CAB39: variants seen among roughly 807,000 people sequenced by gnomAD.
The protein encoded by CAB39 is calcium binding protein 39, also known as calcium-binding protein 39.
CAB39 carries 8 observed loss-of-function variants against 40.0 expected under a neutral mutation model. That is an observed-to-expected ratio of 0.20 (90% CI 0.12 to 0.36). The LOEUF is 0.36. CAB39 is among the 10% of genes least tolerant of loss of function. CAB39 has a pLI of 1.00. For missense variants in CAB39, 270 were observed against 401.1 expected (o/e 0.67, Z 2.79); for synonymous variants, 156 against 141.6 (o/e 1.10, Z -0.72).
rs1696496305 is a variant in CAB39, at chr2:230,820,801, T to G, written c.*2097T>G. On this transcript the variant is annotated 3_prime_UTR_variant, in exon 9 of 9. Coordinates refer to ENST00000258418, the MANE Select transcript of CAB39 (RefSeq NM_016289.4). ...TTTAAGCAAAACAATGTGAAAACAT[T>G]TAAGTTTGAAATGTTGCATTTGAAG... 1 of 152,486 alleles carries G rather than the reference T, an allele frequency of 6.6e-6. No homozygotes were observed. The highest frequency in any genetic ancestry group is 1.5e-5 in the Non-Finnish European group (1 of 67,932). The allele number at this position is 152,486 out of a possible 1,614,324, so 9.4% of individuals were successfully genotyped here.
intron 1 of CAB39, among the ~76,000 whole-genome samples, chr2:230,739,955 A>C (rs1023265999): frequency 1.3e-5 from 2 of 152,250 alleles, no homozygotes; most frequent in South Asian, 2.1e-4. Context: ...GTGGTTTATA[A>C]AATCCCCTTA....
Position 230,714,282 on chromosome 2 carries a change from A to G in CAB39, c.-44+1052A>G, listed in dbSNP as rs1476783068. On this transcript the variant is annotated intron_variant, in intron 1 of 8. Coordinates refer to ENST00000258418, the MANE Select transcript of CAB39 (RefSeq NM_016289.4). ...CGGAAATGTAGGCTAGGGGATATTA[A>G]AGGCGCTCTTGTGAAAGGAGAGAGG... Among the ~76,000 whole-genome samples the G allele has an allele frequency of 2.0e-5, 3 of 152,184 alleles. No homozygotes were observed. In the East Asian group the frequency reaches 5.8e-4, roughly 29 times the overall value.
chr2:230,751,463 CTTATGGACCTTTTGAG>C (rs1156492359), intron 1 of CAB39, among the ~76,000 whole-genome samples: 2 of 152,162 alleles, frequency 1.3e-5, no homozygotes, highest in African/African-American at 4.8e-5. Flanking sequence ...GACCTTTTGA[CTTATGGACCTTTTGAG>C]TTCTTTTCAG....
chr2:230,783,647 C>T (rs1695737024), intron 2 of CAB39, among the ~76,000 whole-genome samples: 1 of 149,068 alleles, frequency 6.7e-6, no homozygotes, highest in Non-Finnish European at 1.5e-5. Context: ...CATAGGCATG[C>T]ACCACTATGC....
intron 5 of CAB39, among the ~76,000 whole-genome samples, chr2:230,803,987 G>A (rs1696141923): frequency 6.6e-6 from 1 of 152,138 alleles, no homozygotes; most frequent in South Asian, 2.1e-4. Flanking sequence ...CACACTACCT[G>A]ACTTCAAACT....
At chr2:230,795,108 T>C (rs1456059075) in intron 4 of CAB39, among the ~76,000 whole-genome samples, 2 of 152,026 alleles carry the variant, frequency 1.3e-5, no homozygotes. Context: ...AAACCCCGCC[T>C]CTACTAAAAA....
At chr2:230,753,238 T>C (rs2124909100) in intron 1 of CAB39, among the ~76,000 whole-genome samples, 1 of 152,302 alleles carries the variant, frequency 6.6e-6, no homozygotes, top group African/African-American at 2.4e-5. Context: ...GCTTGCAGTG[T>C]TGTAACTGTT....
chr2:230,820,338 A>G lies in CAB39; in HGVS notation c.*1634A>G, dbSNP rs1559622540. On this transcript the variant is annotated 3_prime_UTR_variant, in exon 9 of 9. Coordinates refer to ENST00000258418, the MANE Select transcript of CAB39 (RefSeq NM_016289.4). The stretch of plus-strand genomic sequence containing the variant: ...CTGTTTCAGCAGGTTTTAAACCTTC[A>G]GGAACACCAGTTAGGAAAATAGCTC... The G allele has an allele frequency of 6.6e-6, 1 of 152,252 alleles. No homozygotes were observed. The highest frequency in any genetic ancestry group is 1.5e-5 in the Non-Finnish European group (1 of 68,042). The allele number at this position is 152,252 out of a possible 1,614,324, so 9.4% of individuals were successfully genotyped here.
chr2:230,716,015 T>C (rs1246901258), intron 1 of CAB39, among the ~76,000 whole-genome samples: 1 of 152,228 alleles, frequency 6.6e-6, no homozygotes, highest in Non-Finnish European at 1.5e-5. Flanking sequence ...GTTTTTTTAT[T>C]TCAAGGCAGC....
chr2:230,778,909 G>C (rs1695641216), intron 2 of CAB39: 1 of 152,116 alleles, frequency 6.6e-6, no homozygotes, highest in African/African-American at 2.4e-5. Context: ...TATTGTATCT[G>C]TGGGACCACA....
intron 6 of CAB39, 57 bp downstream of exon 6, chr2:230,810,379 T>C (rs1270075194): frequency 1.5e-6 from 1 of 659,136 alleles, no homozygotes; most frequent in East Asian, 3.1e-5. Context: ...TTACCAGAAA[T>C]GAAAGACTTA....
At chr2:230,798,115 G>T (rs1459380794) in intron 4 of CAB39, among the ~76,000 whole-genome samples, 1 of 152,146 alleles carries the variant, frequency 6.6e-6, no homozygotes, top group African/African-American at 2.4e-5. Context: ...AAGGCTGTGT[G>T]CAGAGAGCTG....
At position 230,810,476 on chromosome 2, in the gene CAB39, T is replaced by C. The variant is rs200455314; in HGVS notation, c.627+154T>C. 1.1e-4 allele frequency among the ~76,000 whole-genome samples: 16 copies of C among 152,262 alleles called. No individual in the cohort carries two copies. The East Asian group carries it at 1.2e-3, about 11-fold the overall frequency. On this transcript the variant is annotated intron_variant, in intron 6 of 8. Coordinates refer to ENST00000258418, the MANE Select transcript of CAB39 (RefSeq NM_016289.4). ...GTTATTTCTCTACTTAAACAACTTA[T>C]AGAATATTACTTGGTCAGAAGTAGA...
At chr2:230,757,280 G>C (rs1178296786) in intron 1 of CAB39, among the ~76,000 whole-genome samples, 2 of 152,002 alleles carry the variant, frequency 1.3e-5, no homozygotes, top group Non-Finnish European at 2.9e-5. Flanking sequence ...ATTTTTTGTA[G>C]AGACAGGGTC....
At chr2:230,736,369 TTCTC>T (rs936784041) in intron 1 of CAB39, among the ~76,000 whole-genome samples, 3 of 152,186 alleles carry the variant, frequency 2.0e-5, no homozygotes, top group African/African-American at 7.2e-5. Context: ...ATATGTTTCC[TTCTC>T]TCTTTTTTTC....
intron 5 of CAB39, among the ~76,000 whole-genome samples, chr2:230,807,697 C>T (rs1696225198): frequency 1.3e-5 from 2 of 152,162 alleles, no homozygotes; most frequent in South Asian, 2.1e-4. Context: ...AGTGAATACT[C>T]GCTTCTCTCA....
intron 1 of CAB39, among the ~76,000 whole-genome samples, chr2:230,732,893 ATT>A (rs1694719644): frequency 6.6e-6 from 1 of 152,224 alleles, no homozygotes; most frequent in Non-Finnish European, 1.5e-5. Context: ...AATCTTGAGA[ATT>A]GTAGATATTT....
At position 230,819,300 on chromosome 2, in the gene CAB39, A is replaced by G. The variant is rs1427523664; in HGVS notation, c.*596A>G. On this transcript the variant is annotated 3_prime_UTR_variant, in exon 9 of 9. Transcript: ENST00000258418. ...CCTCATAAGATCATAAGGAAAATGT[A>G]TATATGCTTTTCACAGCTTTCTAGA... is the stretch of plus-strand genomic sequence containing the variant. 1 of 152,598 alleles carries G rather than the reference A, an allele frequency of 6.6e-6. No homozygotes were observed. The highest frequency in any genetic ancestry group is 1.5e-5 in the Non-Finnish European group (1 of 68,044). 9.5% of individuals were successfully genotyped at this position (152,598 alleles called of 1,614,324 possible).
At chr2:230,801,717 C>CA (rs1559615746) in intron 5 of CAB39, among the ~76,000 whole-genome samples, 1 of 151,862 alleles carries the variant, frequency 6.6e-6, no homozygotes, top group Non-Finnish European at 1.5e-5. Flanking sequence ...ACTGAAAATA[C>CA]AAAAAATTAG....
Sources: allele counts gnomAD v4.1 joint callset (sites outside exome capture counted in the v4.1 genomes callset), GRCh38; gene constraint gnomAD v4.1.1; transcripts MANE v1.5; gene names NCBI Gene and HGNC (gene_info 2026-07-23, HGNC 2026-07-21).